VAV3: variants seen among roughly 807,000 people sequenced by gnomAD.
VAV3 encodes the protein vav guanine nucleotide exchange factor 3.
A neutral mutation model predicts 131.2 loss-of-function variants in VAV3; 94 were observed. The ratio of observed to expected loss-of-function variants is 0.72; its 90% CI spans 0.61 to 0.85. VAV3 has a LOEUF of 0.85. Ranked by LOEUF, VAV3 falls within the 40% of genes least tolerant of loss-of-function variation. The probability of loss-of-function intolerance (pLI) is 0.00; values close to 1 mark genes in which losing one functional copy is unlikely to be tolerated. For synonymous variants in VAV3, 349 were observed against 342.0 expected (o/e 1.02, Z -0.22); for missense variants, 939 against 1,002.7 (o/e 0.94, Z 0.86).
intron 1 of VAV3, among the ~76,000 whole-genome samples, chr1:107,957,348 T>C (rs1252237311): frequency 6.6e-6 from 1 of 152,204 alleles, no homozygotes. Flanking sequence ...ATGACTTCAG[T>C]ACCAGTCCTG....
At chr1:107,686,918 G>GA (rs1435765230) in intron 18 of VAV3, among the ~76,000 whole-genome samples, 2 of 151,888 alleles carry the variant, frequency 1.3e-5, no homozygotes, top group Non-Finnish European at 2.9e-5. Context: ...ATCTTCCTTG[G>GA]AAAAAATAAT....
intron 25 of VAV3, among the ~76,000 whole-genome samples, chr1:107,591,658 T>C (rs1053550384): frequency 6.6e-6 from 1 of 152,200 alleles, no homozygotes; most frequent in African/African-American, 2.4e-5. Context: ...TGAAAACTTC[T>C]ATTCTGAAAT....
rs571556156 is a variant in VAV3 at position 107,672,806 on chromosome 1, G to A, written c.1777+10682C>T. 2.0e-3 allele frequency among the ~76,000 whole-genome samples: 297 copies of A among 152,076 alleles called. 1 individual carries two copies. The highest frequency in any genetic ancestry group is 6.7e-3 in the African/African-American group (278 of 41,480). The stretch of plus-strand genomic sequence containing the variant: ...AAAAATCAAGGAAGTTCATATTATG[G>A]TATCAACTACTATGATATGATAGTA... On this transcript the variant is annotated intron_variant, in intron 19 of 26. Transcript: ENST00000370056.
chr1:107,946,734 A>G (rs1674280189), intron 1 of VAV3, among the ~76,000 whole-genome samples: 1 of 152,236 alleles, frequency 6.6e-6, no homozygotes, highest in Non-Finnish European at 1.5e-5. Flanking sequence ...CTATTCCATT[A>G]TCACTTCCTA....
rs778958990 is a variant in VAV3, at chr1:107,576,417, G to A, written c.2351-2219C>T. 49 of 1,523,826 alleles carry A rather than the reference G, an allele frequency of 3.2e-5. No homozygotes were observed. The East Asian group carries it at 1.1e-3, about 35-fold the overall frequency. 94.4% of individuals were successfully genotyped at this position (1,523,826 alleles called of 1,614,324 possible). ...CTGACCAGAAAGGAGTGGAAGAAGGGGGAACAAAGCTGTAGTCTGGAGGAG... is the reference window on the plus strand; with the variant it reads ...CTGACCAGAAAGGAGTGGAAGAAGGAGGAACAAAGCTGTAGTCTGGAGGAG... On this transcript the variant is annotated intron_variant, in intron 25 of 26. Transcript: ENST00000370056.
At chr1:107,687,439 A>G (rs1047567013) in intron 18 of VAV3, among the ~76,000 whole-genome samples, 6 of 152,226 alleles carry the variant, frequency 3.9e-5, no homozygotes, top group African/African-American at 1.4e-4. Context: ...TTTACAAATC[A>G]TAATTTTCAT....
intron 1 of VAV3, among the ~76,000 whole-genome samples, chr1:107,956,434 G>T (rs899232724): frequency 6.6e-6 from 1 of 152,074 alleles, no homozygotes; most frequent in African/African-American, 2.4e-5. Context: ...AGCTATTAAT[G>T]TTTAACATAC....
intron 15 of VAV3, among the ~76,000 whole-genome samples, chr1:107,729,271 T>A (rs1427867622): frequency 6.6e-6 from 1 of 152,210 alleles, no homozygotes; most frequent in African/African-American, 2.4e-5. Flanking sequence ...ATTAATGTAC[T>A]ATCAGAGAAC....
chr1:107,802,225 C>T (rs1666860745), intron 2 of VAV3, among the ~76,000 whole-genome samples: 1 of 150,662 alleles, frequency 6.6e-6, no homozygotes, highest in Admixed American at 6.6e-5. Context: ...TTTACTTATT[C>T]TTTTTTTGTT....
At chr1:107,680,349 T>C (rs1177976924) in intron 19 of VAV3, among the ~76,000 whole-genome samples, 2 of 152,126 alleles carry the variant, frequency 1.3e-5, no homozygotes, top group African/African-American at 4.8e-5. Context: ...TGTGATTATG[T>C]AGCTTCTTAT....
At chr1:107,808,806 T>A (rs958708850) in intron 2 of VAV3, among the ~76,000 whole-genome samples, 8 of 152,148 alleles carry the variant, frequency 5.3e-5, no homozygotes, top group Non-Finnish European at 8.8e-5. Flanking sequence ...CAAATGAAGT[T>A]TTTTTCCAAC....
chr1:107,596,135 G>A, intron 25 of VAV3, 77 bp downstream of exon 25: 1 of 1,540,624 alleles, frequency 6.5e-7, no homozygotes, highest in Non-Finnish European at 8.8e-7. Context: ...TTTAAAATTT[G>A]GAAGGAAGAT....
At chr1:107,595,386 G>A (rs991703031) in intron 25 of VAV3, among the ~76,000 whole-genome samples, 31 of 151,264 alleles carry the variant, frequency 2.0e-4, no homozygotes, top group Non-Finnish European at 3.7e-4. Flanking sequence ...ATATTAAACC[G>A]ACGCAAATTC....
chr1:107,792,352 C>T (rs1430121875), intron 2 of VAV3, among the ~76,000 whole-genome samples: 2 of 152,124 alleles, frequency 1.3e-5, no homozygotes, highest in African/African-American at 2.4e-5. Flanking sequence ...AAAATAATTC[C>T]TTTAAAAATA....
At chr1:107,633,529 G>C (rs560948665) in intron 20 of VAV3, among the ~76,000 whole-genome samples, 2 of 152,208 alleles carry the variant, frequency 1.3e-5, no homozygotes, top group African/African-American at 4.8e-5. Context: ...CTGCTCATGC[G>C]GCTTCAAAAT....
chr1:107,864,295 G>A (rs924671549), intron 2 of VAV3, among the ~76,000 whole-genome samples: 15 of 152,180 alleles, frequency 9.9e-5, no homozygotes, highest in African/African-American at 3.4e-4. Context: ...TAGTTAAAAT[G>A]TGCTTTATAA....
In VAV3 at chr1:107,571,445, G is replaced by A. The variant is rs1649253471; in HGVS notation, c.*1886C>T. The A allele has an allele frequency of 6.6e-6, 1 of 152,634 alleles. No individual in the cohort carries two copies. Among genetic ancestry groups the A allele is most frequent in the Non-Finnish European group, 1.5e-5 (1 of 68,044 alleles). 9.5% of individuals were successfully genotyped at this position (152,634 alleles called of 1,614,324 possible). ...CCAGGCCCATGAAATGCAACAGGAA[G>A]ACTAAACACCATTTATAAGGAGAGG... is the stretch of plus-strand genomic sequence containing the variant. On this transcript the variant is annotated 3_prime_UTR_variant, in exon 27 of 27. Coordinates refer to ENST00000370056, the MANE Select transcript of VAV3 (RefSeq NM_006113.5).
chr1:107,776,861 A>C (rs1214263560), intron 4 of VAV3, among the ~76,000 whole-genome samples: 3 of 152,164 alleles, frequency 2.0e-5, no homozygotes, highest in Non-Finnish European at 4.4e-5. Context: ...TCCAACCCAC[A>C]CTTATCTCTC....
rs185405877 is a variant in VAV3 at position 107,709,674 on chromosome 1, C to T, written c.1503-4613G>A. ...TAACTGAATCGTGGGGATGGTTTCC[C>T]CCATCCTGTTCTCATGATACGGAGT... On this transcript the variant is annotated intron_variant, in intron 15 of 26. Coordinates refer to ENST00000370056, the MANE Select transcript of VAV3 (RefSeq NM_006113.5). Among the ~76,000 whole-genome samples, 14 of 152,238 alleles carry T rather than the reference C, an allele frequency of 9.2e-5. No individual in the cohort carries two copies. The East Asian group carries it at 2.7e-3, about 29-fold the overall frequency.
Sources: gnomAD v4.1 joint callset for allele counts (sites outside exome capture counted in the v4.1 genomes callset) on GRCh38, gnomAD v4.1.1 for gene constraint, MANE v1.5 for transcripts, NCBI Gene and HGNC (gene_info 2026-07-23, HGNC 2026-07-21) for gene names.